Variants in GPHN observed in about 807,000 individuals in gnomAD.
The protein encoded by GPHN is gephyrin.
GPHN carries 17 observed loss-of-function variants against 95.5 expected under a neutral mutation model. The observed-to-expected ratio is 0.18, with a 90% CI of 0.12 to 0.27. The LOEUF is 0.27. GPHN is among the 10% of genes least tolerant of loss of function. The probability of loss-of-function intolerance (pLI) is 1.00; values close to 1 mark genes in which losing one functional copy is unlikely to be tolerated. For synonymous variants in GPHN, 320 were observed against 322.5 expected (o/e 0.99, Z 0.08); for missense variants, 660 against 978.1 (o/e 0.67, Z 4.34).
chr14:67,579,392 T>G, the GPHN span: 1 of 1,142,964 alleles, frequency 8.7e-7, no homozygotes, highest in Non-Finnish European at 1.2e-6. Flanking sequence ...AGGCTCAGGC[T>G]TGGCAGATTG....
intron 1 of GPHN, among the ~76,000 whole-genome samples, chr14:66,534,190 T>C (rs2059048134): frequency 6.6e-6 from 1 of 151,822 alleles, no homozygotes; most frequent in East Asian, 1.9e-4. Context: ...GCATGGTGAG[T>C]TTTTTATGTG....
intron 12 of GPHN, among the ~76,000 whole-genome samples, chr14:67,098,615 G>A (rs549355481): frequency 6.6e-6 from 1 of 152,134 alleles, no homozygotes; most frequent in African/African-American, 2.4e-5. Context: ...TTTGACACCA[G>A]CCTGACCAAT....
intron 3 of GPHN, among the ~76,000 whole-genome samples, chr14:66,803,899 ACC>A (rs2060448976): frequency 6.6e-6 from 1 of 151,942 alleles, no homozygotes; most frequent in Non-Finnish European, 1.5e-5. Flanking sequence ...GATATTCTGT[ACC>A]ATTTCATCCA....
At chr14:67,070,715 A>AAATATATATAT in intron 11 of GPHN, among the ~76,000 whole-genome samples, 12 of 80,740 alleles carry the variant, frequency 1.5e-4, no homozygotes, top group African/African-American at 3.8e-4. Context: ...AAAAAAAAAA[A>AAATATATATAT]ATATATATAT....
the GPHN span, chr14:67,650,991 T>C: frequency 2.1e-6 from 3 of 1,435,460 alleles, no homozygotes; most frequent in Non-Finnish European, 2.9e-6. Context: ...GATAGATGAA[T>C]ACTAAATGGT....
At chr14:66,907,511 A>G (rs1431714925) in intron 5 of GPHN, among the ~76,000 whole-genome samples, 3 of 152,198 alleles carry the variant, frequency 2.0e-5, no homozygotes, top group Middle Eastern at 3.2e-3. Context: ...GAAACATGAC[A>G]TTATACATTT....
At chr14:67,405,692 CCT>C in the GPHN span, among the ~76,000 whole-genome samples, 1 of 152,168 alleles carries the variant, frequency 6.6e-6, no homozygotes, top group African/African-American at 2.4e-5. Context: ...TCTCTTTCTC[CCT>C]CTGCCTCTCT....
the GPHN span, among the ~76,000 whole-genome samples, chr14:67,639,910 G>A: frequency 1.9e-4 from 23 of 122,874 alleles, no homozygotes; most frequent in Admixed American, 1.5e-3. Context: ...GCATGATAGC[G>A]CAAGACCCTG....
the GPHN span, among the ~76,000 whole-genome samples, chr14:67,290,686 C>T: frequency 6.6e-6 from 1 of 152,134 alleles, no homozygotes; most frequent in Non-Finnish European, 1.5e-5. Flanking sequence ...GCGTGAGCCA[C>T]TGTGCCTAGA....
the GPHN span, among the ~76,000 whole-genome samples, chr14:67,599,144 GA>G: frequency 0.027 from 4,049 of 152,256 alleles, 151 homozygotes; most frequent in African/African-American, 0.087. Context: ...TGCAGTAATG[GA>G]AACAATATCC....
intron 5 of GPHN, among the ~76,000 whole-genome samples, chr14:66,908,264 G>A (rs1180476791): frequency 6.6e-6 from 1 of 151,830 alleles, no homozygotes; most frequent in Non-Finnish European, 1.5e-5. Context: ...TAAAAGTAAG[G>A]AAGCACTCAA....
At chr14:66,706,595 G>T (rs975373433) in intron 2 of GPHN, among the ~76,000 whole-genome samples, 1 of 152,026 alleles carries the variant, frequency 6.6e-6, no homozygotes, top group African/African-American at 2.4e-5. Context: ...GGTGCTAGGA[G>T]AACTGGGTAG....
At chr14:67,665,784 C>A in the GPHN span, among the ~76,000 whole-genome samples, 10 of 152,072 alleles carry the variant, frequency 6.6e-5, no homozygotes, top group African/African-American at 2.4e-4. Flanking sequence ...TGTGTGCCAC[C>A]CCCTTAATAT....
chr14:67,458,184 G>A, the GPHN span, among the ~76,000 whole-genome samples: 5 of 152,174 alleles, frequency 3.3e-5, no homozygotes, highest in East Asian at 9.6e-4. Context: ...CTGAATGGGG[G>A]ACCCATTAGA....
At chr14:66,831,018 A>C (rs1022453783) in intron 4 of GPHN, among the ~76,000 whole-genome samples, 1 of 152,098 alleles carries the variant, frequency 6.6e-6, no homozygotes, top group East Asian at 1.9e-4. Flanking sequence ...TGCTTCAAAA[A>C]TAAGAACACT....
the GPHN span, among the ~76,000 whole-genome samples, chr14:67,560,005 C>T: frequency 1.3e-5 from 2 of 152,098 alleles, no homozygotes; most frequent in Non-Finnish European, 2.9e-5. Context: ...TCCACTCTCT[C>T]CACTTTCTCT....
chr14:66,833,693 C>T (rs1182362817), intron 4 of GPHN, among the ~76,000 whole-genome samples: 1 of 150,238 alleles, frequency 6.7e-6, no homozygotes, highest in Non-Finnish European at 1.5e-5. Context: ...CTGATGTAAT[C>T]TGCAAACCTA....
chr14:66,648,625 A>G (rs1391387356), intron 1 of GPHN, among the ~76,000 whole-genome samples: 2 of 152,166 alleles, frequency 1.3e-5, no homozygotes, highest in Non-Finnish European at 2.9e-5. Flanking sequence ...GTAGTAGGCT[A>G]TACTATTTAG....
At chr14:67,577,938 G>C in the GPHN span, 1 of 1,264,376 alleles carries the variant, frequency 7.9e-7, no homozygotes, top group Non-Finnish European at 1.1e-6. Context: ...AACCTCCCTG[G>C]AGCCCTTGGA....
Sources: gnomAD v4.1 joint callset for allele counts (sites outside exome capture counted in the v4.1 genomes callset) on GRCh38, gnomAD v4.1.1 for gene constraint, MANE v1.5 for transcripts, NCBI Gene and HGNC (gene_info 2026-07-23, HGNC 2026-07-21) for gene names.